PAN2: variants seen among roughly 807,000 people sequenced by gnomAD.
The protein encoded by PAN2 is PAN2-PAN3 deadenylation complex catalytic subunit PAN2.
A neutral mutation model predicts 133.3 loss-of-function variants in PAN2; 68 were observed. The observed-to-expected ratio is 0.51, with a 90% CI of 0.42 to 0.62. The LOEUF (loss-of-function observed/expected upper bound fraction) is 0.62, where lower values mean the gene tolerates loss of function less well. Ranked by LOEUF, PAN2 falls within the 20% of genes least tolerant of loss-of-function variation. PAN2 has a pLI of 0.00. For synonymous variants in PAN2, 462 were observed against 544.6 expected (o/e 0.85, Z 2.11); for missense variants, 1,042 against 1,500.5 (o/e 0.69, Z 5.05).
At position 56,332,579 on chromosome 12, in the gene PAN2, G is replaced by A. The variant is rs898236085; in HGVS notation, c.282+234C>T. Among the ~76,000 whole-genome samples, 8 of 144,158 alleles carry A rather than the reference G, an allele frequency of 5.5e-5. No homozygotes were observed. The East Asian group carries it at 1.0e-3, about 18-fold the overall frequency. The allele number at this position is 144,158 out of a possible 152,430, so 94.6% of individuals were successfully genotyped here. A position where few individuals can be genotyped will look rare whatever the true frequency, so the allele number is the denominator to read the frequency against. On this transcript the variant is annotated intron_variant, in intron 2 of 25. Transcript: ENST00000440411. ...TACGCCATTGCACTCTGGCCTAGGC[G>A]ACAGAGCAAGACCCTGTCTCGAAAA...
In PAN2 at chr12:56,322,408, C is replaced by A; in HGVS notation, c.2697+15G>T. Reference sequence around the variant, plus strand: ...AGGGGAAATGAAAGAAGAAACAGAACATGTTGCAACTAACCTTATCAATAG... The same window carrying A: ...AGGGGAAATGAAAGAAGAAACAGAAAATGTTGCAACTAACCTTATCAATAG... On this transcript the variant is annotated intron_variant, in intron 19 of 25. Transcript: ENST00000440411. 6.3e-7 allele frequency: 1 copy of A among 1,597,962 alleles called. No homozygotes were observed. Among genetic ancestry groups the A allele is most frequent in the Non-Finnish European group, 8.6e-7 (1 of 1,165,492 alleles).
intron 2 of PAN2, 194 bp downstream of exon 2, chr12:56,332,619 A>AAG: frequency 1.8e-6 from 1 of 542,700 alleles, no homozygotes; most frequent in Non-Finnish European, 3.3e-6. Flanking sequence ...AAAAAAAAAA[A>AAG]GGGATGCCTC....
At chr12:56,331,700 G>GTTTTTTTTTTTTTTTTT (rs67869491) in intron 2 of PAN2, among the ~76,000 whole-genome samples, 1 of 125,332 alleles carries the variant, frequency 8.0e-6, no homozygotes, top group African/African-American at 2.7e-5. Flanking sequence ...GAAGGACAGC[G>GTTTTTTTTTTTTTTTTT]TTTTTTTTTT....
At chr12:56,323,682 C>A (rs773665) in intron 14 of PAN2, 84 bp from the exon 15 acceptor site, 1 of 1,442,164 alleles carries the variant, frequency 6.9e-7, no homozygotes, top group Non-Finnish European at 9.7e-7. Flanking sequence ...CGTCTTCAAA[C>A]TGGGATTCCT....
rs766167780 is a variant in PAN2, at chr12:56,332,833, G to C, written c.262C>G (p.Leu88Val). 6.2e-7 allele frequency: 1 copy of C among 1,614,152 alleles called. No homozygotes were observed. The highest frequency in any genetic ancestry group is 1.1e-5 in the South Asian group (1 of 91,084). The change falls in exon 2 of 26, where the codon CTG becomes GTG. Residue 88 changes from leucine (L) to valine (V), a missense_variant. Leu to Val is a conservative substitution (Grantham distance 32). Around this residue, in one of 3 missense-constraint regions of PAN2, gnomAD observed 908 missense variants for 1,223.5 expected, o/e 0.74. Coordinates refer to ENST00000440411, the MANE Select transcript of PAN2 (RefSeq NM_014871.6). Reference sequence around the variant, plus strand: ...CTTACCCCGTGGCTCCCCACCCACAGCATCTCCTCGTGCAAGTCAAAGTGG... The same window carrying C: ...CTTACCCCGTGGCTCCCCACCCACACCATCTCCTCGTGCAAGTCAAAGTGG... ...VSHFDLHEEM[L>V]WVGSHGGHAT...
intron 2 of PAN2, 35 bp from the exon 3 acceptor site, chr12:56,328,676 T>C (rs753420176): frequency 1.9e-6 from 3 of 1,595,164 alleles, no homozygotes; most frequent in Non-Finnish European, 2.6e-6. Context: ...ACACTTAGAG[T>C]GGAGGGGCAA....
At chr12:56,318,492 C>T in intron 24 of PAN2, 58 bp from the exon 25 acceptor site, 1 of 1,326,234 alleles carries the variant, frequency 7.5e-7, no homozygotes, top group Non-Finnish European at 1.1e-6. Context: ...AGGAACATGT[C>T]TCCCCACTCC....
chr12:56,318,549 T>G lies in PAN2; in HGVS notation c.3365-115A>C, dbSNP rs1333940159. 4 of 705,018 alleles carry G rather than the reference T, an allele frequency of 5.7e-6. No homozygotes were observed. In the South Asian group the frequency reaches 7.2e-5, roughly 13 times the overall value. 43.7% of individuals were successfully genotyped at this position (705,018 alleles called of 1,614,324 possible). A position where few individuals can be genotyped will look rare whatever the true frequency, so the allele number is the denominator to read the frequency against. ...AAAGCCTGACTGCCCTTAAGGAAAA[T>G]TGTCAGACATCTTCCTCAGTGCACA... On this transcript the variant is annotated intron_variant, in intron 24 of 25. Coordinates refer to ENST00000440411, the MANE Select transcript of PAN2 (RefSeq NM_014871.6).
rs1874230168 is a variant in PAN2 at position 56,319,251 on chromosome 12, T to G, written c.3270+57A>C. 1.2e-6 allele frequency: 2 copies of G among 1,613,152 alleles called. No homozygotes were observed. The highest frequency in any genetic ancestry group is 4.5e-5 in the East Asian group (2 of 44,858). ...AATTCCCCATTCTCTAAAGGCACAATGTATACCCTGAGGGGCCCACTCTCA... is the reference window on the plus strand; with the variant it reads ...AATTCCCCATTCTCTAAAGGCACAAGGTATACCCTGAGGGGCCCACTCTCA... On this transcript the variant is annotated intron_variant, in intron 23 of 25. Transcript: ENST00000440411. This position sits in a 1 kb window ranked among gnomAD's most constrained non-coding sequence, Gnocchi z 5.4.
Position 56,332,977 on chromosome 12 carries a change from C to T in PAN2, c.118G>A (p.Asp40Asn), listed in dbSNP as rs760584414. The change falls in exon 2 of 26, where the codon GAC becomes AAC. Residue 40 changes from aspartate to asparagine, a missense_variant. By Grantham distance (23) the Asp-to-Asn change is conservative. Transcript: ENST00000440411. ...NPSLLQNVEL[D>N]PEGVALEALP... ...GCCTCCAAGGCCACTCCCTCTGGGT[C>T]CAGCTCCACATTCTGTAGCAGACTT... 7.4e-5 allele frequency: 120 copies of T among 1,614,100 alleles called. 1 individual carries two copies. Among genetic ancestry groups the T allele is most frequent in the Admixed American group, 1.0e-4 (6 of 60,004 alleles).
At chr12:56,318,952 C>T in intron 24 of PAN2, 136 bp downstream of exon 24, 1 of 744,524 alleles carries the variant, frequency 1.3e-6, no homozygotes, top group East Asian at 2.6e-5. Flanking sequence ...ATTTGATTTT[C>T]TGTTTCTGAG....
rs1874891418 is a variant in PAN2, at chr12:56,324,420, T to C, written c.1802A>G (p.Asp601Gly). ...CAGATTGCCCTTGCCTGAGGCCTCA[T>C]CTGAGTCAGCCAGGATTAGACCGAG... ...SALGLILADS[D>G]EASGKGNLAR... Residue 601 changes from aspartate to glycine, a missense_variant, in exon 12 of 26, where the codon GAT becomes GGT. Asp to Gly is a moderately conservative substitution (Grantham distance 94, BLOSUM62 -1). Coordinates refer to ENST00000440411, the MANE Select transcript of PAN2 (RefSeq NM_014871.6). The C allele has an allele frequency of 6.2e-7, 1 of 1,614,184 alleles. No individual in the cohort carries two copies. The highest frequency in any genetic ancestry group is 8.5e-7 in the Non-Finnish European group (1 of 1,180,014).
chr12:56,318,099 C>G, intron 25 of PAN2, 138 bp downstream of exon 25: 1 of 701,802 alleles, frequency 1.4e-6, no homozygotes. Flanking sequence ...ATCACTTGAG[C>G]CCAGGAAGTC....
In PAN2 at chr12:56,327,355, C is replaced by G; in HGVS notation, c.919+9G>C. 6.2e-7 allele frequency: 1 copy of G among 1,613,694 alleles called. No individual in the cohort carries two copies. Among genetic ancestry groups the G allele is most frequent in the South Asian group, 1.1e-5 (1 of 91,056 alleles). ...ATCCCTCCTACCCAATCCCATATGCCCTTCATACCTGACTGAGAGATGATA... is the reference window on the plus strand; with the variant it reads ...ATCCCTCCTACCCAATCCCATATGCGCTTCATACCTGACTGAGAGATGATA... On this transcript the variant is annotated intron_variant, in intron 6 of 25. Coordinates refer to ENST00000440411, the MANE Select transcript of PAN2 (RefSeq NM_014871.6).
intron 10 of PAN2, 135 bp downstream of exon 10, chr12:56,324,874 G>A (rs903567445): frequency 8.7e-6 from 12 of 1,373,648 alleles, no homozygotes; most frequent in South Asian, 1.4e-5. Context: ...AAGTTGTAGA[G>A]GCAAGAAAGA....
rs1486418882 is a variant in PAN2 at position 56,324,031 on chromosome 12, G to T, written c.2065+18C>A. On this transcript the variant is annotated intron_variant, in intron 13 of 25. Coordinates refer to ENST00000440411, the MANE Select transcript of PAN2 (RefSeq NM_014871.6). ...GGAGCCTTCCCAACTGAGCTGAAGGGTATACCACTTTTGCTACCATCAGGG... is the reference window on the plus strand; with the variant it reads ...GGAGCCTTCCCAACTGAGCTGAAGGTTATACCACTTTTGCTACCATCAGGG... The T allele has an allele frequency of 1.9e-6, 3 of 1,614,014 alleles. No individual in the cohort carries two copies. The Admixed American group carries it at 5.0e-5, about 27-fold the overall frequency.
At chr12:56,322,046 C>T in intron 20 of PAN2, 32 bp downstream of exon 20, 1 of 1,186,282 alleles carries the variant, frequency 8.4e-7, no homozygotes, top group South Asian at 1.2e-5. Flanking sequence ...TCTAAACTGT[C>T]CACACACTTG....
intron 1 of PAN2, 118 bp from the exon 2 acceptor site, chr12:56,333,326 C>T (rs1428338187): frequency 3.9e-6 from 2 of 510,052 alleles, no homozygotes; most frequent in African/African-American, 1.9e-5. Context: ...GACTGCCAGC[C>T]AAAGGATGAA....
In PAN2 at chr12:56,323,584, G is replaced by A; in HGVS notation, c.2187C>T (p.Asn729=). Residue 729 remains asparagine, a synonymous_variant, in exon 15 of 26, where the codon AAC becomes AAT. Coordinates refer to ENST00000440411, the MANE Select transcript of PAN2 (RefSeq NM_014871.6). ...CAAGAATATCTGGCAGATGGCGGAT[G>A]TTGCGGGTCTGAATCTGAGAGGAAG... is the stretch of plus-strand genomic sequence containing the variant. The part of the protein sequence containing the change: ...EKYQPTIQTR[N]IRHLPDILVI... The A allele has an allele frequency of 6.2e-7, 1 of 1,614,076 alleles. No homozygotes were observed. Among genetic ancestry groups the A allele is most frequent in the Non-Finnish European group, 8.5e-7 (1 of 1,179,918 alleles).
Sources: allele counts gnomAD v4.1 joint callset (sites outside exome capture counted in the v4.1 genomes callset), GRCh38; gene constraint gnomAD v4.1.1; regional missense constraint gnomAD v4.1.1; non-coding constraint Gnocchi (gnomAD v3.1); transcripts MANE v1.5; gene names NCBI Gene and HGNC (gene_info 2026-07-23, HGNC 2026-07-21).